The following LCTL variants were observed in gnomAD, a reference collection of about 807,000 sequenced individuals.
LCTL encodes the protein lactase-like protein.
Under a neutral mutation model 75.8 loss-of-function variants are expected in LCTL, and 76 were observed. That is an observed-to-expected ratio of 1.00 (90% CI 0.83 to 1.21). The LOEUF is 1.21. LCTL is among the 50% of genes most tolerant of loss of function. LCTL has a pLI of 0.00. For missense variants in LCTL, 670 were observed against 712.4 expected (o/e 0.94, Z 0.68); for synonymous variants, 271 against 268.8 (o/e 1.01, Z -0.08).
At position 66,557,962 on chromosome 15, in the gene LCTL, T is replaced by C; in HGVS notation, c.760+20A>G. 1 of 1,606,964 alleles carries C rather than the reference T, an allele frequency of 6.2e-7. No homozygotes were observed. The highest frequency in any genetic ancestry group is 1.1e-5 in the South Asian group (1 of 90,654). On this transcript the variant is annotated intron_variant, in intron 7 of 12. Transcript: ENST00000341509. ...CGGGCACTTGGCTGTCCTGGGTACA[T>C]GTGTGGGGCCACAGCTCACCTTGCT...
exon 11 of LCTL, chr15:66,551,773 A>G (rs1595931561): frequency 6.2e-6 from 10 of 1,613,846 alleles, no homozygotes; most frequent in East Asian, 2.2e-5. Context: ...AGTAGAATCC[A>G]TATCTATCTG....
At chr15:66,557,935 T>C in intron 7 of LCTL, 47 bp downstream of exon 8, 1 of 1,608,890 alleles carries the variant, frequency 6.2e-7, no homozygotes, top group Admixed American at 1.7e-5. Context: ...CCATTGCTGC[T>C]CCGGGCACTT....
chr15:66,550,757 G>C (rs1895569331), intron 11 of LCTL, among the ~76,000 whole-genome samples: 2 of 152,040 alleles, frequency 1.3e-5, no homozygotes, highest in Admixed American at 1.3e-4. Flanking sequence ...GGGGTTACAG[G>C]CATGAGCCAC....
chr15:66,548,480 T>TAAA, exon 13 of LCTL: 1 of 1,494,354 alleles, frequency 6.7e-7, no homozygotes. Flanking sequence ...CCAAAATTGA[T>TAAA]AATCCTGTCT....
chr15:66,562,418 C>A lies in LCTL; in HGVS notation c.480+1098G>T, dbSNP rs868478346. Among the ~76,000 whole-genome samples, 661 of 143,338 alleles carry A rather than the reference C, an allele frequency of 4.6e-3. 4 individuals are homozygous for A. The highest frequency in any genetic ancestry group is 0.015 in the African/African-American group (574 of 38,636). The allele number at this position is 143,338 out of a possible 152,430, so 94.0% of individuals were successfully genotyped here. The stretch of plus-strand genomic sequence containing the variant: ...ACTCCATCTCAAAAAAAAAAAAAAA[C>A]AAAAGAAAGAAAATATTGCTTGAAT... On this transcript the variant is annotated intron_variant, in intron 4 of 12. Coordinates refer to ENST00000341509, the Ensembl canonical transcript of LCTL.
chr15:66,550,093 C>A, exon 12 of LCTL: 1 of 1,601,034 alleles, frequency 6.2e-7, no homozygotes, highest in Non-Finnish European at 8.5e-7. Flanking sequence ...CTTTGAGGTA[C>A]CAACTTTCCA....
intron 9 of LCTL, 119 bp downstream of exon 10, chr15:66,552,865 G>C (rs1895643676): frequency 1.1e-6 from 1 of 876,096 alleles, no homozygotes; most frequent in South Asian, 3.1e-5. Flanking sequence ...AGCCTCTGAA[G>C]TATGAGTAAC....
At position 66,552,034 on chromosome 15, in the gene LCTL, G is replaced by A. The variant is rs754682782; in HGVS notation, c.1324+9C>T. The stretch of plus-strand genomic sequence containing the variant: ...GGAAAACTGCAGACAATCTTGGTTT[G>A]TGTCTCACCTTTTAGCATTTCATTT... On this transcript the variant is annotated intron_variant, in intron 10 of 12. Transcript: ENST00000341509. 6.2e-7 allele frequency: 1 copy of A among 1,607,284 alleles called. No homozygotes were observed. Among genetic ancestry groups the A allele is most frequent in the South Asian group, 1.1e-5 (1 of 89,212 alleles).
At chr15:66,552,618 C>T (rs957496878) in intron 9 of LCTL, among the ~76,000 whole-genome samples, 1 of 143,738 alleles carries the variant, frequency 7.0e-6, no homozygotes, top group African/African-American at 2.7e-5. Flanking sequence ...GGCAGTGAGC[C>T]GAGATCATGC....
intron 6 of LCTL, 50 bp from the exon 8 acceptor site, chr15:66,558,086 T>G (rs1895787077): frequency 6.7e-7 from 1 of 1,494,596 alleles, no homozygotes; most frequent in African/African-American, 1.4e-5. Context: ...ATCCATTTCC[T>G]CCCTTTCAAT....
At chr15:66,558,022 G>C (rs1369365309) in exon 7 of LCTL, 1 of 1,605,752 alleles carries the variant, frequency 6.2e-7, no homozygotes, top group African/African-American at 1.3e-5. Flanking sequence ...AAGAATGCCA[G>C]GCTTTGGCGT....
chr15:66,548,442 A>C (rs973678118), exon 13 of LCTL: 1 of 981,662 alleles, frequency 1.0e-6, no homozygotes, highest in African/African-American at 1.6e-5. Context: ...AAAAGGGAGG[A>C]AGATCCTGAA....
chr15:66,550,100 T>G (rs1329395580), exon 12 of LCTL: 1 of 1,597,112 alleles, frequency 6.3e-7, no homozygotes, highest in East Asian at 2.3e-5. Flanking sequence ...GTACCAACTT[T>G]CCACCTAATA....
Position 66,565,387 on chromosome 15 carries a change from C to A in LCTL, c.-22G>T, listed in dbSNP as rs1225317161. On this transcript the variant is annotated 5_prime_UTR_variant, in exon 1 of 13. Coordinates refer to ENST00000341509, the Ensembl canonical transcript of LCTL. ...TCATGGTGCCTGGCCCTCCCCCATA[C>A]CTGAAAAAGTGCAGCTGGCTCTGCA... 4.0e-6 allele frequency: 6 copies of A among 1,484,880 alleles called. No individual in the cohort carries two copies. In the Admixed American group the frequency reaches 1.2e-4, roughly 29 times the overall value. The allele number at this position is 1,484,880 out of a possible 1,614,324, so 92.0% of individuals were successfully genotyped here.
At chr15:66,565,180 G>C in intron 1 of LCTL, 68 bp downstream of exon 2, 1 of 1,049,724 alleles carries the variant, frequency 9.5e-7, no homozygotes, top group East Asian at 2.4e-5. Flanking sequence ...CAAACTCCTT[G>C]TCAAGTCAGC....
rs774825565 is a variant in LCTL, at chr15:66,561,003, C to T, written c.705+3G>A. 2 of 1,613,768 alleles carry T rather than the reference C, an allele frequency of 1.2e-6. No homozygotes were observed. Among genetic ancestry groups the T allele is most frequent in the Non-Finnish European group, 1.7e-6 (2 of 1,179,932 alleles). On this transcript the variant is annotated splice_donor_region_variant and intron_variant, in intron 6 of 12. Coordinates refer to ENST00000341509, the Ensembl canonical transcript of LCTL. The stretch of plus-strand genomic sequence containing the variant: ...GTTCCTCCACCAGAAGGACCCACCT[C>T]ACCTTAATGATGTGGTGTGCTGCCT...
At chr15:66,553,281 T>A in intron 8 of LCTL, 23 bp from the exon 10 acceptor site, 1 of 1,512,566 alleles carries the variant, frequency 6.6e-7, no homozygotes, top group Non-Finnish European at 8.8e-7. Flanking sequence ...AAAAGTAGAA[T>A]TTAACAAAGC....
At chr15:66,561,980 C>T (rs940671764) in intron 4 of LCTL, among the ~76,000 whole-genome samples, 2 of 152,104 alleles carry the variant, frequency 1.3e-5, no homozygotes, top group African/African-American at 4.8e-5. Flanking sequence ...CAAATTCTAA[C>T]TGAACCGAAC....
chr15:66,548,434 A>C, exon 13 of LCTL: 1 of 911,954 alleles, frequency 1.1e-6, no homozygotes, highest in Admixed American at 1.9e-5. Context: ...CAAAGCAGAA[A>C]AGGGAGGAAG....
Sources: allele counts gnomAD v4.1 joint callset (sites outside exome capture counted in the v4.1 genomes callset), GRCh38; gene constraint gnomAD v4.1.1; transcripts MANE v1.5; gene names NCBI Gene and HGNC (gene_info 2026-07-23, HGNC 2026-07-21).